Variants in FRMPD4 observed in about 807,000 individuals in gnomAD.
The protein encoded by FRMPD4 is FERM and PDZ domain-containing protein 4.
In FRMPD4, 22 loss-of-function variants were observed where a neutral mutation model predicts 94.1. The ratio of observed to expected loss-of-function variants is 0.23; its 90% CI spans 0.17 to 0.33. The LOEUF is 0.33. Ranked by LOEUF, FRMPD4 falls within the 10% of genes least tolerant of loss-of-function variation. FRMPD4 has a pLI of 1.00. For missense variants in FRMPD4, 1,111 were observed against 1,339.9 expected, an observed-to-expected ratio of 0.83 and a Z score of 2.67; for synonymous variants, 631 against 548.6, an observed-to-expected ratio of 1.15 and a Z score of -2.10.
At chrX:12,376,505 T>A (rs1419536565) in intron 1 of FRMPD4, among the ~76,000 whole-genome samples, 1 of 112,946 alleles carries the variant, frequency 8.9e-6, no homozygotes, top group Non-Finnish European at 1.9e-5. Flanking sequence ...CTAGATGTTA[T>A]TTTTTAACCT....
In FRMPD4 at chrX:12,645,347, C is replaced by CTTTTTTTTTTTTTTTTTTTTTTTTT. The variant is rs138817056; in HGVS notation, c.423-29515_423-29491dup. 9.0e-5 allele frequency among the ~76,000 whole-genome samples: 5 copies of CTTTTTTTTTTTTTTTTTTTTTTTTT among 55,642 alleles called. 1 individual carries two copies. The highest frequency in any genetic ancestry group is 4.3e-4 in the African/African-American group (5 of 11,595). The allele number at this position is 55,642 out of a possible 115,157, so 48.3% of individuals were successfully genotyped here. A position where few individuals can be genotyped will look rare whatever the true frequency, so the allele number is the denominator to read the frequency against. ...TCAGGTAGTTTTTAACACTCTCACTCTTTTTTTTTTTTTTTTTTTTTTTTT... is the reference window on the plus strand; with the variant it reads ...TCAGGTAGTTTTTAACACTCTCACTCTTTTTTTTTTTTTTTTTTTTTTTTTTTTTTTTTTTTTTTTTTTTTTTTTT... On this transcript the variant is annotated intron_variant, in intron 4 of 16. Coordinates refer to ENST00000675598, the MANE Select transcript of FRMPD4 (RefSeq NM_001368397.1).
At chrX:12,611,071 A>G (rs1006259067) in intron 3 of FRMPD4, among the ~76,000 whole-genome samples, 5 of 112,335 alleles carry the variant, frequency 4.5e-5, no homozygotes, top group African/African-American at 1.6e-4. Flanking sequence ...CTTTCCCTCA[A>G]TCTTCGTATT....
chrX:11,874,193 C>T (rs1686114224), intron 2 of FRMPD4, among the ~76,000 whole-genome samples: 1 of 112,588 alleles, frequency 8.9e-6, no homozygotes, highest in Admixed American at 9.3e-5. Context: ...CTCTGTTACT[C>T]AGGCTGGAGT....
At chrX:11,946,758 T>C (rs2054191951) in intron 3 of FRMPD4, among the ~76,000 whole-genome samples, 1 of 110,765 alleles carries the variant, frequency 9.0e-6, no homozygotes, top group Non-Finnish European at 1.9e-5. Flanking sequence ...AGCAAAAAGG[T>C]GAAGGAAGGG....
chrX:11,880,081 T>C (rs1297239156), intron 3 of FRMPD4, among the ~76,000 whole-genome samples: 2 of 112,251 alleles, frequency 1.8e-5, no homozygotes, highest in Non-Finnish European at 3.8e-5. Flanking sequence ...GTTGTTTTGC[T>C]GTTGATTAAA....
intron 3 of FRMPD4, among the ~76,000 whole-genome samples, chrX:12,042,665 A>G (rs1247403680): frequency 9.0e-6 from 1 of 111,163 alleles, no homozygotes; most frequent in Non-Finnish European, 1.9e-5. Flanking sequence ...GGGCCCTTTC[A>G]TTTCATCCTG....
rs58743575 is a variant in FRMPD4, at chrX:11,827,087, A to ATATATATATAT, written c.-161+4372_-161+4373insTATATATATAT. On this transcript the variant is annotated intron_variant, in intron 1 of 18. Coordinates refer to the FRMPD4 transcript ENST00000640291. ...TTATATATATATATATATATATATA[A>ATATATATATAT]AATATATATGTTCTGTATATAACAT... 6.9e-3 allele frequency among the ~76,000 whole-genome samples: 575 copies of ATATATATATAT among 83,193 alleles called. 7 individuals are homozygous for ATATATATATAT. The highest frequency in any genetic ancestry group is 0.027 in the East Asian group (68 of 2,478). 72.2% of individuals were successfully genotyped at this position (83,193 alleles called of 115,157 possible).
intron 2 of FRMPD4, among the ~76,000 whole-genome samples, chrX:12,546,165 CT>C (rs2058473236): frequency 1.0e-5 from 1 of 95,937 alleles, no homozygotes; most frequent in Non-Finnish European, 2.1e-5. Flanking sequence ...AACTGTATTT[CT>C]TGCCAACTGT....
At chrX:11,848,730 T>C (rs2053600605) in intron 1 of FRMPD4, among the ~76,000 whole-genome samples, 2 of 110,821 alleles carry the variant, frequency 1.8e-5, no homozygotes, top group Non-Finnish European at 3.8e-5. Context: ...TACCAGTCCA[T>C]TGCTTGCTGC....
At position 12,001,777 on chromosome X, in the gene FRMPD4, T is replaced by A. The variant is rs181941198; in HGVS notation, c.95+123759T>A. 2.4e-4 allele frequency among the ~76,000 whole-genome samples: 27 copies of A among 112,396 alleles called. No homozygotes were observed. The East Asian group carries it at 7.5e-3, about 31-fold the overall frequency. ...CTTTGTAATTAAATGAGACTCGGAA[T>A]TCTTCCCTATAAATGAATTCTTTAG... On this transcript the variant is annotated intron_variant, in intron 3 of 18. Transcript: ENST00000640291.
intron 1 of FRMPD4, among the ~76,000 whole-genome samples, chrX:12,157,106 CAT>C (rs10602466): frequency 0.05 from 5,564 of 111,975 alleles, 213 homozygotes; most frequent in African/African-American, 0.13. Context: ...ACATATATAA[CAT>C]GTGTGTGTGC....
chrX:12,555,907 T>C (rs922210850), intron 2 of FRMPD4, among the ~76,000 whole-genome samples: 3 of 111,954 alleles, frequency 2.7e-5, no homozygotes, highest in African/African-American at 9.8e-5. Flanking sequence ...CATTTTTTTC[T>C]TTCTTTTTAT....
chrX:12,177,605 C>A (rs1461282802), intron 1 of FRMPD4, among the ~76,000 whole-genome samples: 2 of 111,948 alleles, frequency 1.8e-5, no homozygotes, highest in Non-Finnish European at 3.8e-5. Context: ...CGTATTTAAC[C>A]TTTTCCTGAT....
intron 1 of FRMPD4, among the ~76,000 whole-genome samples, chrX:12,185,830 G>A (rs1167016712): frequency 9.0e-6 from 1 of 111,214 alleles, no homozygotes; most frequent in Non-Finnish European, 1.9e-5. Context: ...ATTACATTTT[G>A]GTAGTTTGTG....
chrX:12,351,044 C>G (rs1049653795), intron 1 of FRMPD4, among the ~76,000 whole-genome samples: 2 of 110,338 alleles, frequency 1.8e-5, no homozygotes, highest in Non-Finnish European at 3.8e-5. Context: ...TGTGGTGGCG[C>G]GTGCCTGTAA....
intron 2 of FRMPD4, among the ~76,000 whole-genome samples, chrX:12,551,759 T>G (rs150646121): frequency 9.0e-6 from 1 of 110,901 alleles, no homozygotes; most frequent in Non-Finnish European, 1.9e-5. Flanking sequence ...GGGAGAATAT[T>G]TCATTGGTGG....
At chrX:12,691,605 T>C (rs933319599) in intron 8 of FRMPD4, among the ~76,000 whole-genome samples, 2 of 111,897 alleles carry the variant, frequency 1.8e-5, no homozygotes, top group Non-Finnish European at 3.8e-5. Flanking sequence ...GAAAGGTCAG[T>C]GTCTGGATCT....
intron 1 of FRMPD4, among the ~76,000 whole-genome samples, chrX:11,825,536 C>A (rs1188620670): frequency 2.7e-5 from 3 of 110,573 alleles, no homozygotes; most frequent in Non-Finnish European, 5.7e-5. Flanking sequence ...GAGTGATTAT[C>A]AGTGTTTAAT....
rs190675435 is a variant in FRMPD4 at position 12,423,291 on chromosome X, A to G, written c.42-75389A>G. 6.3e-5 allele frequency among the ~76,000 whole-genome samples: 7 copies of G among 111,580 alleles called. No homozygotes were observed. The East Asian group carries it at 2.0e-3, about 31-fold the overall frequency. On this transcript the variant is annotated intron_variant, in intron 1 of 16. Coordinates refer to ENST00000675598, the MANE Select transcript of FRMPD4 (RefSeq NM_001368397.1). The stretch of plus-strand genomic sequence containing the variant: ...AAAAAACAAAAATTTCCCACTCCCG[A>G]AATCTGTTGGTACATGATTTCATTC...
Sources: allele counts gnomAD v4.1 joint callset (sites outside exome capture counted in the v4.1 genomes callset), GRCh38; gene constraint gnomAD v4.1.1; transcripts MANE v1.5; gene names NCBI Gene and HGNC (gene_info 2026-07-23, HGNC 2026-07-21).